Variants in IGF1R observed in about 807,000 individuals in gnomAD.
IGF1R encodes the protein insulin-like growth factor 1 receptor.
Under a neutral mutation model 144.6 loss-of-function variants are expected in IGF1R, and 44 were observed. The ratio of observed to expected loss-of-function variants is 0.30; its 90% CI spans 0.24 to 0.39. The LOEUF is 0.39. IGF1R is among the 10% of genes least tolerant of loss of function. IGF1R has a pLI of 1.00. For missense variants in IGF1R, 1,355 were observed against 1,833.7 expected (o/e 0.74, Z 4.77); for synonymous variants, 795 against 722.8 (o/e 1.10, Z -1.60).
At chr15:98,750,083 G>A (rs2054971596) in intron 2 of IGF1R, among the ~76,000 whole-genome samples, 1 of 152,156 alleles carries the variant, frequency 6.6e-6, no homozygotes, top group Non-Finnish European at 1.5e-5. Flanking sequence ...TGATTCCAGT[G>A]AAAGTTCTTA....
chr15:98,717,759 A>G (rs1471253092), intron 2 of IGF1R, among the ~76,000 whole-genome samples: 1 of 152,214 alleles, frequency 6.6e-6, no homozygotes, highest in Non-Finnish European at 1.5e-5. Context: ...ATTAAATACC[A>G]TATTTTTTAA....
intron 2 of IGF1R, among the ~76,000 whole-genome samples, chr15:98,875,587 G>C (rs1272007058): frequency 6.6e-6 from 1 of 152,064 alleles, no homozygotes; most frequent in Non-Finnish European, 1.5e-5. Context: ...TCAGACCAAG[G>C]ATGGAATGAA....
In IGF1R at chr15:98,752,671, G is replaced by A. The variant is rs1384274326; in HGVS notation, c.640+44564G>A. 8.2e-4 allele frequency among the ~76,000 whole-genome samples: 115 copies of A among 139,828 alleles called. 1 individual carries two copies. In the Admixed American group the frequency reaches 8.3e-3, roughly 10 times the overall value. 91.7% of individuals were successfully genotyped at this position (139,828 alleles called of 152,430 possible). A position where few individuals can be genotyped will look rare whatever the true frequency, so the allele number is the denominator to read the frequency against. On this transcript the variant is annotated intron_variant, in intron 2 of 20. Transcript: ENST00000650285. ...TGCACTCCAGCCTGGGCGACAGAGCGAGACTCCGTCTCAAAGAAAAAAAAA... is the reference window on the plus strand; with the variant it reads ...TGCACTCCAGCCTGGGCGACAGAGCAAGACTCCGTCTCAAAGAAAAAAAAA...
rs577970789 is a variant in IGF1R at position 98,960,863 on chromosome 15, G to T, written c.*3421G>T. ...AGACAGAGATGTACCAAACCTTCCG[G>T]CTGGAAAGCCCAGTGGCCGGCGCCG... On this transcript the variant is annotated 3_prime_UTR_variant, in exon 21 of 21. Transcript: ENST00000650285. 8.6e-6 allele frequency: 2 copies of T among 233,846 alleles called. No individual in the cohort carries two copies. The highest frequency in any genetic ancestry group is 2.2e-5 in the African/African-American group (1 of 45,326). The allele number at this position is 233,846 out of a possible 1,614,324, so 14.5% of individuals were successfully genotyped here.
chr15:98,943,977 C>A (rs949094787), intron 19 of IGF1R, among the ~76,000 whole-genome samples: 2 of 152,208 alleles, frequency 1.3e-5, no homozygotes, highest in East Asian at 3.9e-4. Flanking sequence ...GAATATGACC[C>A]GGCAAAGCAT....
intron 2 of IGF1R, among the ~76,000 whole-genome samples, chr15:98,780,549 C>CAAAAAAA (rs1192949160): frequency 4.2e-5 from 1 of 24,016 alleles, no homozygotes; most frequent in Non-Finnish European, 1.5e-4. Context: ...AACTCTGTCT[C>CAAAAAAA]AAAAAAAAAA....
intron 2 of IGF1R, among the ~76,000 whole-genome samples, chr15:98,749,411 T>C (rs142348804): frequency 1.7e-4 from 26 of 152,300 alleles, no homozygotes; most frequent in Non-Finnish European, 3.5e-4. Context: ...ACATGGCTCT[T>C]AGAAGTATGT....
intron 2 of IGF1R, among the ~76,000 whole-genome samples, chr15:98,737,098 G>A (rs914465224): frequency 6.6e-6 from 1 of 152,184 alleles, no homozygotes; most frequent in African/African-American, 2.4e-5. Flanking sequence ...TTTTGAGAGG[G>A]ACACCCCCTC....
intron 2 of IGF1R, among the ~76,000 whole-genome samples, chr15:98,828,754 T>A (rs2056945107): frequency 6.6e-6 from 1 of 150,420 alleles, no homozygotes. Context: ...ATATTTATCC[T>A]AATATATTTG....
chr15:98,817,304 A>AAATAATAAT (rs57196850), intron 2 of IGF1R, among the ~76,000 whole-genome samples: 29 of 146,340 alleles, frequency 2.0e-4, no homozygotes, highest in South Asian at 2.2e-4. Flanking sequence ...TCTGTCTCAA[A>AAATAATAAT]AATAATAATA....
intron 18 of IGF1R, among the ~76,000 whole-genome samples, chr15:98,942,178 C>T (rs2151717963): frequency 6.6e-6 from 1 of 152,214 alleles, no homozygotes; most frequent in Non-Finnish European, 1.5e-5. Context: ...ATTTACTTTT[C>T]TCCAGTGGTG....
rs569341370 is a variant in IGF1R at position 98,963,295 on chromosome 15, C to T, written c.*5853C>T. ...AAAAGGATTTCTCCCTGACCCCATC[C>T]GTGGTTCACCCTCTTTTCCCCCCAT... On this transcript the variant is annotated 3_prime_UTR_variant, in exon 21 of 21. Transcript: ENST00000650285. The T allele has an allele frequency of 1.0e-4, 24 of 232,404 alleles. No individual in the cohort carries two copies. The highest frequency in any genetic ancestry group is 3.6e-4 in the South Asian group (2 of 5,504). The allele number at this position is 232,404 out of a possible 1,614,324, so 14.4% of individuals were successfully genotyped here. A position where few individuals can be genotyped will look rare whatever the true frequency, so the allele number is the denominator to read the frequency against.
intron 2 of IGF1R, among the ~76,000 whole-genome samples, chr15:98,847,228 T>C (rs2011364292): frequency 6.6e-6 from 1 of 152,154 alleles, no homozygotes; most frequent in Non-Finnish European, 1.5e-5. Context: ...CCTTCTGCCT[T>C]GGACTCCCAA....
At chr15:98,892,417 C>T (rs541293972) in intron 3 of IGF1R, among the ~76,000 whole-genome samples, 2 of 150,378 alleles carry the variant, frequency 1.3e-5, no homozygotes, top group East Asian at 4.0e-4. Context: ...ACCTGTAGTC[C>T]TAGCTACTCC....
intron 10 of IGF1R, among the ~76,000 whole-genome samples, chr15:98,918,200 G>A (rs1478500069): frequency 3.9e-5 from 6 of 152,096 alleles, no homozygotes; most frequent in Non-Finnish European, 7.4e-5. Flanking sequence ...CTAGGCCAAG[G>A]AGTTGGATTT....
intron 2 of IGF1R, among the ~76,000 whole-genome samples, chr15:98,720,705 T>G (rs183753450): frequency 1.3e-5 from 2 of 152,368 alleles, no homozygotes; most frequent in East Asian, 3.9e-4. Flanking sequence ...AGGATTGATG[T>G]TAAGTCTTAG....
intron 5 of IGF1R, 128 bp downstream of exon 5, chr15:98,899,749 T>G (rs772735310): frequency 3.2e-5 from 28 of 888,156 alleles, no homozygotes; most frequent in Non-Finnish European, 4.9e-5. Context: ...GCCGCAGTAT[T>G]GCCTGTGCTG....
intron 5 of IGF1R, among the ~76,000 whole-genome samples, chr15:98,902,320 C>T (rs981163473): frequency 5.3e-5 from 8 of 151,932 alleles, no homozygotes; most frequent in South Asian, 4.2e-4. Context: ...AGCACTTTGA[C>T]GGTTTTTTTT....
intron 6 of IGF1R, among the ~76,000 whole-genome samples, chr15:98,909,649 G>A (rs1480280892): frequency 6.6e-6 from 1 of 152,212 alleles, no homozygotes; most frequent in East Asian, 1.9e-4. Flanking sequence ...CCTGTGGGGT[G>A]GAGGGGGCTC....
Sources: allele counts gnomAD v4.1 joint callset (sites outside exome capture counted in the v4.1 genomes callset), GRCh38; gene constraint gnomAD v4.1.1; transcripts MANE v1.5; gene names NCBI Gene and HGNC (gene_info 2026-07-23, HGNC 2026-07-21).